Variants in IL18 observed in about 807,000 individuals in gnomAD.
The protein encoded by IL18 is interleukin 18.
Under a neutral mutation model 14.2 loss-of-function variants are expected in IL18, and 8 were observed. The observed-to-expected ratio is 0.56, with a 90% confidence interval of 0.33 to 1.01. The LOEUF is 1.01. IL18 is among the 50% of genes least tolerant of loss of function. The pLI is 0.03. For missense variants in IL18, 166 were observed against 231.1 expected (o/e 0.72, Z 1.83); for synonymous variants, 67 against 71.0 (o/e 0.94, Z 0.28).
At chr11:112,146,927 CTTTTTT>C (rs36051933) in intron 5 of IL18, among the ~76,000 whole-genome samples, 2 of 125,356 alleles carry the variant, frequency 1.6e-5, no homozygotes, top group East Asian at 2.3e-4. Flanking sequence ...GGTAATTTTA[CTTTTTT>C]TTTTTTTTTT....
chr11:112,152,554 G>C (rs1866460273), intron 3 of IL18, among the ~76,000 whole-genome samples: 1 of 152,178 alleles, frequency 6.6e-6, no homozygotes, highest in Admixed American at 6.5e-5. Context: ...CTTGCACTTG[G>C]TGTGGCCATG....
intron 4 of IL18, 127 bp downstream of exon 4, chr11:112,149,945 G>T: frequency 3.3e-6 from 3 of 895,922 alleles, no homozygotes; most frequent in South Asian, 1.9e-5. Context: ...TTTCCTGTAA[G>T]TGAAATTATT....
rs360717 is a variant in IL18, at chr11:112,164,002, G to A, written c.-105C>T. 38,334 of 152,274 alleles carry A rather than the reference G, an allele frequency of 0.25. 5,022 individuals carry two copies. The highest frequency in any genetic ancestry group is 0.3 in the Admixed American group (4,573 of 15,284). 9.4% of individuals were successfully genotyped at this position (152,274 alleles called of 1,614,324 possible). A position where few individuals can be genotyped will look rare whatever the true frequency, so the allele number is the denominator to read the frequency against. ...GTGTAGACTGCAGCAGGTGGCAGCC[G>A]CTTTAGCAGCCAGAGTTGGCAGCCA... On this transcript the variant is annotated 5_prime_UTR_variant, in exon 1 of 6. Transcript: ENST00000280357.
intron 1 of IL18, among the ~76,000 whole-genome samples, chr11:112,155,811 T>C (rs2135319772): frequency 6.6e-6 from 1 of 152,290 alleles, no homozygotes; most frequent in South Asian, 2.1e-4. Context: ...GAGTTCTCAG[T>C]GTGAGAAATC....
At chr11:112,163,172 C>A (rs879931748) in intron 1 of IL18, among the ~76,000 whole-genome samples, 2 of 151,918 alleles carry the variant, frequency 1.3e-5, no homozygotes, top group African/African-American at 4.8e-5. Flanking sequence ...TTTATTCAGC[C>A]CTTTCCTTAA....
At chr11:112,150,918 C>T (rs926362527) in intron 3 of IL18, 1 of 152,258 alleles carries the variant, frequency 6.6e-6, no homozygotes, top group Non-Finnish European at 1.5e-5. Flanking sequence ...TATTGCCTCT[C>T]TCCCTTTTGT....
At chr11:112,146,050 T>C (rs1866337331) in intron 5 of IL18, among the ~76,000 whole-genome samples, 3 of 151,058 alleles carry the variant, frequency 2.0e-5, no homozygotes, top group African/African-American at 7.3e-5. Flanking sequence ...TTTTTTTTTT[T>C]TTTACATCAG....
Position 112,148,747 on chromosome 11 carries a change from T to C in IL18, c.227-11A>G. ...TCCGGGGTGCATTATCTGAAATAAA[T>C]ATAATAAATGAGAACTCTAGTTAGA... On this transcript the variant is annotated splice_polypyrimidine_tract_variant and intron_variant, in intron 4 of 5. Transcript: ENST00000280357. 1.5e-6 allele frequency: 2 copies of C among 1,378,796 alleles called. No individual in the cohort carries two copies. Among genetic ancestry groups the C allele is most frequent in the Non-Finnish European group, 9.5e-7 (1 of 1,047,814 alleles). The allele number at this position is 1,378,796 out of a possible 1,614,324, so 85.4% of individuals were successfully genotyped here. A position where few individuals can be genotyped will look rare whatever the true frequency, so the allele number is the denominator to read the frequency against.
intron 1 of IL18, among the ~76,000 whole-genome samples, chr11:112,163,257 C>G (rs1004151782): frequency 6.6e-6 from 1 of 152,148 alleles, no homozygotes; most frequent in Non-Finnish European, 1.5e-5. Context: ...GCAGATTTCA[C>G]AAGATGACTA....
chr11:112,152,549 A>G (rs1447410446), intron 3 of IL18, among the ~76,000 whole-genome samples: 1 of 152,172 alleles, frequency 6.6e-6, no homozygotes, highest in African/African-American at 2.4e-5. Flanking sequence ...ATTTCCTTGC[A>G]CTTGGTGTGG....
intron 1 of IL18, among the ~76,000 whole-genome samples, chr11:112,158,250 A>G (rs1412376341): frequency 6.6e-6 from 1 of 152,220 alleles, no homozygotes; most frequent in Non-Finnish European, 1.5e-5. Context: ...TGGCCTCCCA[A>G]AGGCTGGGAC....
intron 1 of IL18, among the ~76,000 whole-genome samples, chr11:112,158,974 GA>G (rs370658794): frequency 4.0e-5 from 6 of 149,640 alleles, no homozygotes; most frequent in Non-Finnish European, 5.9e-5. Flanking sequence ...GTTTTTTCCT[GA>G]AAAAAAAAAT....
chr11:112,154,356 C>G (rs1416455372), intron 2 of IL18, among the ~76,000 whole-genome samples: 1 of 151,950 alleles, frequency 6.6e-6, no homozygotes, highest in Non-Finnish European at 1.5e-5. Flanking sequence ...AAAACCCTGT[C>G]TCTAGTAAAA....
chr11:112,153,635 T>C (rs755082465), intron 2 of IL18, 32 bp from the exon 3 acceptor site: 2 of 1,491,758 alleles, frequency 1.3e-6, no homozygotes, highest in East Asian at 2.3e-5. Flanking sequence ...AAACAGAATA[T>C]GTAAAATTTT....
chr11:112,155,041 G>C lies in IL18; in HGVS notation c.13C>G (p.Pro5Ala), dbSNP rs774621216. Residue 5 changes from proline to alanine, a missense_variant, in exon 2 of 6, where the codon CCA becomes GCA. By Grantham distance (27) the Pro-to-Ala change is conservative. Coordinates refer to ENST00000280357, the MANE Select transcript of IL18 (RefSeq NM_001562.4). ...AAGTTGATGCAATTGTCTTCTACTG[G>C]TTCAGCAGCCATCTTTATTCCTAAT... MAAE[P>A]VEDNCINFVA... is the part of the protein sequence containing the mutation. 1.2e-6 allele frequency: 2 copies of C among 1,611,308 alleles called. No individual in the cohort carries two copies. Among genetic ancestry groups the C allele is most frequent in the East Asian group, 4.5e-5 (2 of 44,834 alleles).
intron 1 of IL18, among the ~76,000 whole-genome samples, chr11:112,155,542 A>G (rs1866517568): frequency 6.6e-6 from 1 of 152,134 alleles, no homozygotes; most frequent in African/African-American, 2.4e-5. Context: ...AAGTGCTTCC[A>G]TCTGAGGGTA....
Position 112,148,635 on chromosome 11 carries a change from G to C in IL18, c.328C>G (p.Leu110Val). Residue 110 changes from leucine (L) to valine (V), a missense_variant, in exon 5 of 6, where the codon CTC (leucine) becomes GTC (valine). Coordinates refer to ENST00000280357, the MANE Select transcript of IL18 (RefSeq NM_001562.4). ...ISVKCEKIST[L>V]SCENKIISFK... ...GAAATAATTTTGTTCTCACAGGAGA[G>C]AGTTGAAATTTTCTCACACTTCACA... The C allele has an allele frequency of 6.6e-7, 1 of 1,519,056 alleles. No individual in the cohort carries two copies. Among genetic ancestry groups the C allele is most frequent in the Non-Finnish European group, 8.9e-7 (1 of 1,128,696 alleles). 94.1% of individuals were successfully genotyped at this position (1,519,056 alleles called of 1,614,324 possible).
intron 1 of IL18, among the ~76,000 whole-genome samples, chr11:112,158,574 A>T (rs1262441651): frequency 7.6e-6 from 1 of 132,102 alleles, no homozygotes; most frequent in Non-Finnish European, 1.5e-5. Context: ...CTTGGATAAC[A>T]TTATCATATA....
chr11:112,152,078 A>T (rs1866449355), intron 3 of IL18, among the ~76,000 whole-genome samples: 1 of 152,220 alleles, frequency 6.6e-6, no homozygotes, highest in South Asian at 2.1e-4. Flanking sequence ...CATGTAGAAG[A>T]GTTTTTGGAC....
Sources: gnomAD v4.1 joint callset for allele counts (sites outside exome capture counted in the v4.1 genomes callset) on GRCh38, gnomAD v4.1.1 for gene constraint, MANE v1.5 for transcripts, NCBI Gene and HGNC (gene_info 2026-07-23, HGNC 2026-07-21) for gene names.